LRBA: variants seen among roughly 807,000 people sequenced by gnomAD.
The protein encoded by LRBA is LPS responsive beige-like anchor protein, also known as lipopolysaccharide-responsive and beige-like anchor protein.
In LRBA, 176 loss-of-function variants were observed where a neutral mutation model predicts 330.0. The ratio of observed to expected loss-of-function variants is 0.53; its 90% confidence interval spans 0.47 to 0.60. LRBA has a LOEUF of 0.60. LRBA is among the 20% of genes least tolerant of loss of function. The probability of loss-of-function intolerance (pLI) is 0.00; values close to 1 mark genes in which losing one functional copy is unlikely to be tolerated. For synonymous variants in LRBA, 1,230 were observed against 1,193.0 expected (o/e 1.03, Z -0.64); for missense variants, 3,259 against 3,444.8 (o/e 0.95, Z 1.35).
chr4:150,417,886 G>A (rs1229564655), intron 46 of LRBA, among the ~76,000 whole-genome samples: 1 of 152,044 alleles, frequency 6.6e-6, no homozygotes, highest in Non-Finnish European at 1.5e-5. Flanking sequence ...CTAATATATA[G>A]TGTCAAAATA....
At chr4:151,010,910 G>A (rs1224724360) in intron 2 of LRBA, among the ~76,000 whole-genome samples, 8 of 147,998 alleles carry the variant, frequency 5.4e-5, no homozygotes, top group South Asian at 2.2e-4. Flanking sequence ...AAAAAAGGCC[G>A]GGCACAGTGG....
intron 41 of LRBA, among the ~76,000 whole-genome samples, chr4:150,488,772 C>T (rs573951480): frequency 1.2e-4 from 18 of 148,706 alleles, no homozygotes; most frequent in Non-Finnish European, 2.2e-4. Context: ...AAAAAATATA[C>T]CAATGTTCCT....
At chr4:150,636,863 G>A (rs1581880548) in intron 37 of LRBA, among the ~76,000 whole-genome samples, 1 of 152,192 alleles carries the variant, frequency 6.6e-6, no homozygotes, top group South Asian at 2.1e-4. Flanking sequence ...TGCTCAGGCT[G>A]GTCTCAAACT....
At chr4:150,316,046 T>C (rs150626460) in intron 50 of LRBA, among the ~76,000 whole-genome samples, 1 of 152,314 alleles carries the variant, frequency 6.6e-6, no homozygotes, top group East Asian at 1.9e-4. Flanking sequence ...TGTCAACTTA[T>C]GATGGAGAAA....
intron 46 of LRBA, chr4:150,422,604 TC>T (rs1345885685): frequency 5.3e-6 from 3 of 565,030 alleles, no homozygotes; most frequent in South Asian, 3.9e-5. Flanking sequence ...GACATCAGGT[TC>T]CCCAAGGGAC....
chr4:150,415,051 T>C (rs1198863258), intron 47 of LRBA, among the ~76,000 whole-genome samples: 2 of 152,210 alleles, frequency 1.3e-5, no homozygotes, highest in Non-Finnish European at 2.9e-5. Context: ...AGGACATAAT[T>C]TGAAAATCTT....
chr4:150,520,044 T>C (rs1349704924), intron 40 of LRBA, among the ~76,000 whole-genome samples: 2 of 152,216 alleles, frequency 1.3e-5, no homozygotes, highest in African/African-American at 2.4e-5. Context: ...CTTTTTATTA[T>C]TGATTTGCTA....
chr4:150,867,594 G>T, intron 22 of LRBA, 77 bp downstream of exon 22: 5 of 1,211,166 alleles, frequency 4.1e-6, no homozygotes, highest in South Asian at 1.8e-5. Flanking sequence ...TTTAAGTATC[G>T]AAATTTTTTA....
chr4:150,721,237 T>C (rs1395240641), intron 36 of LRBA: 5 of 421,864 alleles, frequency 1.2e-5, no homozygotes. Context: ...GTTTCTACTT[T>C]TCTTTTTCAC....
chr4:150,266,411 A>AGAT (rs2126683020), intron 56 of LRBA, among the ~76,000 whole-genome samples: 1 of 152,352 alleles, frequency 6.6e-6, no homozygotes, highest in East Asian at 1.9e-4. Flanking sequence ...AAATCACTGA[A>AGAT]GATAAGAACT....
At chr4:150,449,787 T>C (rs1452415662) in intron 44 of LRBA, among the ~76,000 whole-genome samples, 1 of 152,152 alleles carries the variant, frequency 6.6e-6, no homozygotes, top group Non-Finnish European at 1.5e-5. Context: ...TCTTTGGGCA[T>C]AAAATCTTAT....
chr4:150,999,544 TG>T (rs1743096737), intron 2 of LRBA, among the ~76,000 whole-genome samples: 1 of 151,982 alleles, frequency 6.6e-6, no homozygotes, highest in African/African-American at 2.4e-5. Flanking sequence ...ATTACATGCA[TG>T]AGCCACCGTG....
intron 46 of LRBA, among the ~76,000 whole-genome samples, chr4:150,428,340 T>G (rs1040005705): frequency 1.3e-5 from 2 of 152,086 alleles, no homozygotes; most frequent in Admixed American, 6.5e-5. Context: ...TGATGGTATG[T>G]CCATGTTCGC....
chr4:150,384,422 A>G (rs1369650811), intron 47 of LRBA, among the ~76,000 whole-genome samples: 1 of 152,330 alleles, frequency 6.6e-6, no homozygotes, highest in African/African-American at 2.4e-5. Context: ...AATTCAGGAC[A>G]TTTAAGAATG....
At chr4:150,808,226 T>C in intron 32 of LRBA, 94 bp downstream of exon 32, 1 of 770,140 alleles carries the variant, frequency 1.3e-6, no homozygotes, top group African/African-American at 1.7e-5. Flanking sequence ...AGAAATGAAA[T>C]GAAATGAAAT....
chr4:150,442,514 T>C (rs138234402), intron 44 of LRBA, among the ~76,000 whole-genome samples: 1 of 152,326 alleles, frequency 6.6e-6, no homozygotes, highest in African/African-American at 2.4e-5. Flanking sequence ...CAATGTAATC[T>C]TCATTTGATA....
intron 36 of LRBA, among the ~76,000 whole-genome samples, chr4:150,714,021 C>T (rs1212879476): frequency 2.0e-5 from 3 of 152,068 alleles, no homozygotes; most frequent in Admixed American, 6.6e-5. Flanking sequence ...CAAGAATGGT[C>T]GATCAACGTT....
chr4:150,970,556 T>TGTGTACACAC (rs1166996824), intron 2 of LRBA: 37 of 41,684 alleles, frequency 8.9e-4, no homozygotes, highest in African/African-American at 2.4e-3. Context: ...TGTGTGTGTG[T>TGTGTACACAC]ACACACACAC....
chr4:150,534,357 T>TA (rs1244236326), intron 40 of LRBA, among the ~76,000 whole-genome samples: 155 of 147,846 alleles, frequency 1.0e-3, no homozygotes, highest in African/African-American at 3.5e-3. Context: ...ATAATAATAA[T>TA]AATAATAATA....
Sources: allele counts gnomAD v4.1 joint callset (sites outside exome capture counted in the v4.1 genomes callset), GRCh38; gene constraint gnomAD v4.1.1; transcripts MANE v1.5; gene names NCBI Gene and HGNC (gene_info 2026-07-23, HGNC 2026-07-21).